GLI3: variants seen among roughly 807,000 people sequenced by gnomAD.
GLI3 encodes transcription activator GLI3.
In GLI3, 20 loss-of-function variants were observed where a neutral mutation model predicts 100.8. The observed-to-expected ratio is 0.20, with a 90% CI of 0.14 to 0.29. GLI3 has a LOEUF of 0.29. Among genes scored for constraint, GLI3 ranks in the 10% least tolerant of loss-of-function variants. The pLI is 1.00. For missense variants in GLI3, 2,040 were observed against 2,128.5 expected, an observed-to-expected ratio of 0.96 and a Z score of 0.82; for synonymous variants, 938 against 860.5, an observed-to-expected ratio of 1.09 and a Z score of -1.58.
At chr7:42,223,516 C>T (rs1788528819) in intron 1 of GLI3, among the ~76,000 whole-genome samples, 2 of 152,104 alleles carry the variant, frequency 1.3e-5, no homozygotes, top group African/African-American at 2.4e-5. Context: ...GAGGGAAATG[C>T]CCATAACATG....
At chr7:41,977,486 C>G in intron 12 of GLI3, 72 bp downstream of exon 12, 1 of 1,485,138 alleles carries the variant, frequency 6.7e-7, no homozygotes, top group Non-Finnish European at 9.4e-7. Context: ...CACACTGCGC[C>G]TTCCCATGTG....
At chr7:42,253,759 C>T (rs1789056900) in intron 1 of GLI3, among the ~76,000 whole-genome samples, 1 of 152,160 alleles carries the variant, frequency 6.6e-6, no homozygotes, top group Non-Finnish European at 1.5e-5. Flanking sequence ...GACTTGTCCT[C>T]AGTACTCAAT....
intron 3 of GLI3, among the ~76,000 whole-genome samples, chr7:42,111,887 C>T (rs1333206801): frequency 6.6e-6 from 1 of 152,068 alleles, no homozygotes; most frequent in Admixed American, 6.5e-5. Context: ...AGCAGTGCAC[C>T]CGGTATGGGG....
At chr7:41,994,754 G>A (rs1274335086) in intron 10 of GLI3, among the ~76,000 whole-genome samples, 1 of 152,100 alleles carries the variant, frequency 6.6e-6, no homozygotes, top group Admixed American at 6.5e-5. Context: ...TTTTAATTTG[G>A]TACTTTTATT....
At chr7:42,103,415 C>A (rs545207487) in intron 3 of GLI3, among the ~76,000 whole-genome samples, 171 of 152,018 alleles carry the variant, frequency 1.1e-3, no homozygotes, top group African/African-American at 3.9e-3. Context: ...ACTTTTTATC[C>A]AATCTCCGAT....
intron 4 of GLI3, among the ~76,000 whole-genome samples, chr7:42,056,426 G>C (rs906516270): frequency 2.6e-5 from 4 of 152,090 alleles, no homozygotes. Context: ...AAAGCATGTG[G>C]GTCATGAAAA....
At chr7:42,053,522 G>A (rs1211829350) in intron 4 of GLI3, among the ~76,000 whole-genome samples, 1 of 152,152 alleles carries the variant, frequency 6.6e-6, no homozygotes, top group Non-Finnish European at 1.5e-5. Context: ...CATCAACTTG[G>A]CCTGGTAAAT....
intron 4 of GLI3, among the ~76,000 whole-genome samples, chr7:42,057,155 T>C (rs577885975): frequency 6.6e-6 from 1 of 152,326 alleles, no homozygotes; most frequent in East Asian, 1.9e-4. Flanking sequence ...ATTATGCACT[T>C]CTTACATATT....
chr7:42,024,682 G>A (rs1439158778), intron 9 of GLI3, among the ~76,000 whole-genome samples: 1 of 152,200 alleles, frequency 6.6e-6, no homozygotes, highest in Non-Finnish European at 1.5e-5. Context: ...GAGAATTTAA[G>A]TGACTAGAGG....
At chr7:42,138,933 G>A (rs77423011) in intron 3 of GLI3, among the ~76,000 whole-genome samples, 2 of 152,160 alleles carry the variant, frequency 1.3e-5, no homozygotes, top group African/African-American at 2.4e-5. Flanking sequence ...AGTCTCCTCC[G>A]GGGTCCCATC....
intron 2 of GLI3, among the ~76,000 whole-genome samples, chr7:42,153,467 T>C (rs1342322307): frequency 4.6e-5 from 7 of 151,714 alleles, no homozygotes; most frequent in Non-Finnish European, 8.8e-5. Context: ...CTCTCCATCA[T>C]TAAATTACAA....
intron 2 of GLI3, among the ~76,000 whole-genome samples, chr7:42,164,187 G>A (rs115026051): frequency 6.1e-4 from 93 of 152,314 alleles, no homozygotes; most frequent in African/African-American, 2.2e-3. Context: ...GAAAGCTGGT[G>A]TTTTAATATA....
chr7:42,054,484 C>A lies in GLI3; in HGVS notation c.474-5788G>T, dbSNP rs1322361474. On this transcript the variant is annotated intron_variant, in intron 4 of 14. Coordinates refer to ENST00000395925, the MANE Select transcript of GLI3 (RefSeq NM_000168.6). ...TATCTCCTGCATCTCTGCATGACTGCTCCAACTACTGGAAGACTGAAATAT... is the reference window on the plus strand; with the variant it reads ...TATCTCCTGCATCTCTGCATGACTGATCCAACTACTGGAAGACTGAAATAT... Among the ~76,000 whole-genome samples the A allele has an allele frequency of 3.3e-5, 5 of 152,272 alleles. No individual in the cohort carries two copies. The East Asian group carries it at 9.7e-4, about 29-fold the overall frequency.
At chr7:42,172,081 C>A (rs1436476845) in intron 2 of GLI3, among the ~76,000 whole-genome samples, 1 of 151,844 alleles carries the variant, frequency 6.6e-6, no homozygotes, top group Non-Finnish European at 1.5e-5. Context: ...CTAGTCTTTT[C>A]TCTACTCCTG....
At chr7:42,261,763 T>C (rs1318518251) in intron 1 of GLI3, among the ~76,000 whole-genome samples, 2 of 152,192 alleles carry the variant, frequency 1.3e-5, no homozygotes, top group Non-Finnish European at 2.9e-5. Flanking sequence ...TTGGCTTTGA[T>C]AAAGTATTCT....
chr7:41,964,700 C>G lies in GLI3; in HGVS notation c.4373G>C (p.Gly1458Ala). The stretch of plus-strand genomic sequence containing the variant: ...GCTGGCGTCTGAAATAGAGAATGAA[C>G]CAGCTTTCGTGTCTTGCTGACTGAA... ...VGFSQQDTKA[G>A]SFSISDASCL... The change falls in exon 15 of 15, where the codon GGT (glycine) becomes GCT (alanine). Residue 1458 changes from glycine (G) to alanine (A), a missense_variant. Physicochemically the swap from Gly to Ala is moderately conservative, Grantham distance 60 (BLOSUM62 0). Coordinates refer to ENST00000395925, the MANE Select transcript of GLI3 (RefSeq NM_000168.6). The G allele has an allele frequency of 6.2e-7, 1 of 1,614,196 alleles. No homozygotes were observed. The highest frequency in any genetic ancestry group is 8.5e-7 in the Non-Finnish European group (1 of 1,180,022).
chr7:42,006,255 A>T (rs921042446), intron 10 of GLI3, among the ~76,000 whole-genome samples: 1 of 152,122 alleles, frequency 6.6e-6, no homozygotes, highest in Non-Finnish European at 1.5e-5. Context: ...GCTTCCCTCA[A>T]TGCAGAGTTA....
chr7:42,132,370 G>A (rs1786311722), intron 3 of GLI3, among the ~76,000 whole-genome samples: 1 of 152,122 alleles, frequency 6.6e-6, no homozygotes. Flanking sequence ...AAAGTGCTGG[G>A]ATTACAGGCG....
intron 7 of GLI3, among the ~76,000 whole-genome samples, chr7:42,038,234 G>T (rs1422675000): frequency 6.6e-6 from 1 of 152,190 alleles, no homozygotes; most frequent in African/African-American, 2.4e-5. Context: ...TCTGAGACTG[G>T]CATGCTTCCT....
Sources: gnomAD v4.1 joint callset for allele counts (sites outside exome capture counted in the v4.1 genomes callset) on GRCh38, gnomAD v4.1.1 for gene constraint, MANE v1.5 for transcripts, NCBI Gene and HGNC (gene_info 2026-07-23, HGNC 2026-07-21) for gene names.